Variants in FAM114A1 observed in about 807,000 individuals in gnomAD.
The protein encoded by FAM114A1 is protein NOXP20.
In FAM114A1, 62 loss-of-function variants were observed where a neutral mutation model predicts 64.3. The observed-to-expected ratio is 0.96, with a 90% CI of 0.79 to 1.19. The LOEUF is 1.19. FAM114A1 is among the 50% of genes most tolerant of loss of function. The pLI is 0.00. For missense variants in FAM114A1, 645 were observed against 676.3 expected (o/e 0.95, Z 0.51); for synonymous variants, 254 against 251.1 (o/e 1.01, Z -0.11).
rs752417423 is a variant in FAM114A1 at position 38,931,520 on chromosome 4, T to C, written c.1231T>C (p.Ser411Pro). The C allele has an allele frequency of 6.2e-7, 1 of 1,613,646 alleles. No homozygotes were observed. The highest frequency in any genetic ancestry group is 2.2e-5 in the East Asian group (1 of 44,848). Reference sequence around the variant, plus strand: ...GGTGTCAGTAGATGTGGCAAAAGTGTCCGAAGAAGAAACAAAGAAGGAAGA... The same window carrying C: ...GGTGTCAGTAGATGTGGCAAAAGTGCCCGAAGAAGAAACAAAGAAGGAAGA... ...TVVSVDVAKV[S>P]EEETKKEEKE... Residue 411 changes from serine (S) to proline (P), a missense_variant, in exon 11 of 15, where the codon TCC becomes CCC. Coordinates refer to ENST00000358869, the MANE Select transcript of FAM114A1 (RefSeq NM_138389.4).
intron 13 of FAM114A1, among the ~76,000 whole-genome samples, chr4:38,940,305 A>G (rs1721489096): frequency 6.6e-6 from 1 of 152,138 alleles, no homozygotes. Flanking sequence ...ATATTTAAGA[A>G]TGTCTTAATT....
chr4:38,886,732 A>T (rs1018867878), intron 3 of FAM114A1, among the ~76,000 whole-genome samples: 3 of 151,570 alleles, frequency 2.0e-5, no homozygotes, highest in Non-Finnish European at 2.9e-5. Context: ...GTTCAAGACC[A>T]GCCTGGCCAA....
chr4:38,876,177 T>C (rs1714613984), intron 2 of FAM114A1, among the ~76,000 whole-genome samples: 2 of 147,198 alleles, frequency 1.4e-5, no homozygotes, highest in Non-Finnish European at 1.5e-5. Context: ...TTCTTTTTTT[T>C]TTTTTTTTTT....
intron 4 of FAM114A1, among the ~76,000 whole-genome samples, chr4:38,900,909 G>A (rs1041727042): frequency 1.3e-5 from 2 of 150,968 alleles, no homozygotes; most frequent in Admixed American, 6.6e-5. Context: ...GGTAGGAAAA[G>A]TTAAGGTGGT....
At chr4:38,897,819 C>T (rs1299374611) in intron 4 of FAM114A1, among the ~76,000 whole-genome samples, 4 of 151,790 alleles carry the variant, frequency 2.6e-5, no homozygotes, top group African/African-American at 4.8e-5. Context: ...TGGTGACATG[C>T]CCCTGTAGTA....
rs377434131 is a variant in FAM114A1 at position 38,908,636 on chromosome 4, C to T, written c.702C>T (p.Ile234=). 1.3e-4 allele frequency: 217 copies of T among 1,613,196 alleles called. No individual in the cohort carries two copies. The highest frequency in any genetic ancestry group is 1.7e-4 in the Non-Finnish European group (203 of 1,179,430). Residue 234 remains isoleucine, a synonymous_variant, in exon 7 of 15, where the codon ATC becomes ATT. Transcript: ENST00000358869. Reference sequence around the variant, plus strand: ...GAGGCCTTGATGCGTTGGAATTCATCGGCAAGAAAACCATGAATGTCCTTG... The same window carrying T: ...GAGGCCTTGATGCGTTGGAATTCATTGGCAAGAAAACCATGAATGTCCTTG... The part of the protein sequence containing the change: ...LTGGLDALEF[I]GKKTMNVLAE...
intron 6 of FAM114A1, among the ~76,000 whole-genome samples, chr4:38,907,282 A>G (rs1291883751): frequency 2.0e-5 from 3 of 152,174 alleles, no homozygotes; most frequent in Admixed American, 2.0e-4. Flanking sequence ...GAGCTCTGTC[A>G]GTACCTCTGG....
chr4:38,921,973 C>T (rs148822795), intron 8 of FAM114A1, among the ~76,000 whole-genome samples: 2,716 of 152,240 alleles, frequency 0.018, 65 homozygotes, highest in African/African-American at 0.061. Flanking sequence ...GATGGAGTCT[C>T]GCTCTGTCAC....
At chr4:38,889,694 T>C (rs1164795023) in intron 3 of FAM114A1, among the ~76,000 whole-genome samples, 1 of 152,206 alleles carries the variant, frequency 6.6e-6, no homozygotes, top group African/African-American at 2.4e-5. Context: ...ACCCAAGCAA[T>C]TTAACTTCCA....
intron 3 of FAM114A1, among the ~76,000 whole-genome samples, chr4:38,879,935 A>G (rs1715041781): frequency 6.6e-6 from 1 of 152,024 alleles, no homozygotes; most frequent in African/African-American, 2.4e-5. Flanking sequence ...CAGGCATGGT[A>G]GTATGCACCT....
At chr4:38,918,318 G>T (rs1719270103) in intron 8 of FAM114A1, among the ~76,000 whole-genome samples, 1 of 152,190 alleles carries the variant, frequency 6.6e-6, no homozygotes, top group African/African-American at 2.4e-5. Context: ...CAAGATAGGA[G>T]TGCCTGGTCA....
intron 13 of FAM114A1, among the ~76,000 whole-genome samples, chr4:38,939,839 T>C: frequency 6.6e-6 from 1 of 151,906 alleles, no homozygotes; most frequent in East Asian, 1.9e-4. Flanking sequence ...GATAGACCGA[T>C]AGCATAAGCA....
intron 4 of FAM114A1, among the ~76,000 whole-genome samples, chr4:38,896,780 A>C (rs1176661795): frequency 6.6e-6 from 1 of 152,248 alleles, no homozygotes; most frequent in African/African-American, 2.4e-5. Context: ...AAAGAAACTT[A>C]TTGGAAAACA....
At chr4:38,879,951 C>G (rs1487718137) in intron 3 of FAM114A1, among the ~76,000 whole-genome samples, 1 of 151,922 alleles carries the variant, frequency 6.6e-6, no homozygotes, top group African/African-American at 2.4e-5. Context: ...CACCTGTAGT[C>G]CCTGCTACTT....
rs566432597 is a variant in FAM114A1 at position 38,877,416 on chromosome 4, G to A, written c.-8-655G>A. On this transcript the variant is annotated intron_variant, in intron 2 of 14. Coordinates refer to ENST00000358869, the MANE Select transcript of FAM114A1 (RefSeq NM_138389.4). ...ATTCTCATAAGGAGTGCACAGCCTAGATCCCTCACACGTGCAGTTCACAAT... is the reference window on the plus strand; with the variant it reads ...ATTCTCATAAGGAGTGCACAGCCTAAATCCCTCACACGTGCAGTTCACAAT... 4.6e-5 allele frequency among the ~76,000 whole-genome samples: 7 copies of A among 152,200 alleles called. No individual in the cohort carries two copies. In the South Asian group the frequency reaches 1.5e-3, roughly 32 times the overall value.
intron 11 of FAM114A1, 136 bp from the exon 12 acceptor site, chr4:38,932,099 G>T: frequency 9.8e-7 from 1 of 1,015,380 alleles, no homozygotes; most frequent in Non-Finnish European, 1.4e-6. Context: ...AGATATGCTT[G>T]TAATCATCAG....
chr4:38,930,666 C>T (rs975144342), intron 10 of FAM114A1, among the ~76,000 whole-genome samples: 3 of 152,246 alleles, frequency 2.0e-5, no homozygotes, highest in South Asian at 2.1e-4. Flanking sequence ...TAAGATTTAA[C>T]GTGGGAAGTA....
chr4:38,902,576 A>T (rs1471082524), intron 4 of FAM114A1, among the ~76,000 whole-genome samples: 1 of 152,234 alleles, frequency 6.6e-6, no homozygotes, highest in Non-Finnish European at 1.5e-5. Flanking sequence ...CATTTATTTT[A>T]AAATGATACA....
intron 6 of FAM114A1, among the ~76,000 whole-genome samples, chr4:38,906,417 G>A (rs4832790): frequency 0.39 from 59,233 of 151,916 alleles, 12,742 homozygotes; most frequent in Admixed American, 0.48. Context: ...CTACCTCTTA[G>A]AAGAAGCTCC....
Sources: allele counts gnomAD v4.1 joint callset (sites outside exome capture counted in the v4.1 genomes callset), GRCh38; gene constraint gnomAD v4.1.1; transcripts MANE v1.5; gene names NCBI Gene and HGNC (gene_info 2026-07-23, HGNC 2026-07-21).